LRRTM4: variants seen among roughly 807,000 people sequenced by gnomAD.
LRRTM4 encodes leucine-rich repeat transmembrane neuronal protein 4.
A neutral mutation model predicts 47.6 loss-of-function variants in LRRTM4; 25 were observed. The observed-to-expected ratio is 0.53, with a 90% confidence interval of 0.38 to 0.73. The LOEUF (loss-of-function observed/expected upper bound fraction) is 0.73. Ranked by LOEUF, LRRTM4 falls within the 30% of genes least tolerant of loss-of-function variation. The pLI is 0.00. For missense variants in LRRTM4, 638 were observed against 713.4 expected, an observed-to-expected ratio of 0.89 and a Z score of 1.20; for synonymous variants, 311 against 269.5, an observed-to-expected ratio of 1.15 and a Z score of -1.51.
intron 3 of LRRTM4, among the ~76,000 whole-genome samples, chr2:77,267,826 AG>A: frequency 6.6e-6 from 1 of 152,204 alleles, no homozygotes; most frequent in East Asian, 1.9e-4. Context: ...AAATGAGAAA[AG>A]GTCTTAGTAT....
In LRRTM4 at chr2:77,019,241, G is replaced by T. The variant is rs866369980; in HGVS notation, c.1552-270325C>A. 5.4e-4 allele frequency among the ~76,000 whole-genome samples: 62 copies of T among 114,934 alleles called. 1 individual carries two copies. Among genetic ancestry groups the T allele is most frequent in the Middle Eastern group, 7.5e-3 (1 of 134 alleles). 75.4% of individuals were successfully genotyped at this position (114,934 alleles called of 152,430 possible). ...GAACATACTATTGGATACTAAGCTT[G>T]TCACTGCTCTACAAAAAAAAAAAAA... On this transcript the variant is annotated intron_variant, in intron 3 of 3. Transcript: ENST00000409884.
At chr2:77,266,246 G>A (rs985714) in intron 3 of LRRTM4, among the ~76,000 whole-genome samples, 15,864 of 152,142 alleles carry the variant, frequency 0.1, 2,804 homozygotes, top group African/African-American at 0.36. Context: ...AAACATGACA[G>A]TAGAGAGACA....
At position 76,861,324 on chromosome 2, in the gene LRRTM4, G is replaced by GT. The variant is rs533831636; in HGVS notation, c.1552-112409dup. 4.0e-5 allele frequency among the ~76,000 whole-genome samples: 6 copies of GT among 151,826 alleles called. No individual in the cohort carries two copies. The East Asian group carries it at 9.7e-4, about 25-fold the overall frequency. ...AGGCTAAAAGACTGCATTATTTTTA[G>GT]TTTTTTTTAAACTGAGTCACTAAGA... On this transcript the variant is annotated intron_variant, in intron 3 of 3. Transcript: ENST00000409884.
intron 3 of LRRTM4, among the ~76,000 whole-genome samples, chr2:76,780,809 C>G (rs970447741): frequency 6.6e-6 from 1 of 152,036 alleles, no homozygotes; most frequent in Admixed American, 6.6e-5. Flanking sequence ...TGAGGAACTG[C>G]GTTCCTTTGG....
At chr2:77,012,543 G>T (rs1677913060) in intron 3 of LRRTM4, among the ~76,000 whole-genome samples, 1 of 152,206 alleles carries the variant, frequency 6.6e-6, no homozygotes, top group Non-Finnish European at 1.5e-5. Context: ...GCCTGGGCAG[G>T]ATTGATGAGT....
intron 3 of LRRTM4, among the ~76,000 whole-genome samples, chr2:76,835,697 T>A (rs1426233754): frequency 6.6e-6 from 1 of 152,060 alleles, no homozygotes; most frequent in East Asian, 1.9e-4. Flanking sequence ...ATTTGCACAT[T>A]TATTTAGGTA....
Position 77,181,023 on chromosome 2 carries a change from A to T in LRRTM4, c.1551+337295T>A, listed in dbSNP as rs1191948049. On this transcript the variant is annotated intron_variant, in intron 3 of 3. Transcript: ENST00000409884. ...AGATTTAGAAAAATAAATATACATTATAAATTGAAACTATGGTTTGAGTCC... is the reference window on the plus strand; with the variant it reads ...AGATTTAGAAAAATAAATATACATTTTAAATTGAAACTATGGTTTGAGTCC... Among the ~76,000 whole-genome samples the T allele has an allele frequency of 2.0e-5, 3 of 152,210 alleles. No individual in the cohort carries two copies. In the East Asian group the frequency reaches 5.8e-4, roughly 29 times the overall value.
chr2:77,047,632 G>A (rs529507471), intron 3 of LRRTM4, among the ~76,000 whole-genome samples: 1 of 152,066 alleles, frequency 6.6e-6, no homozygotes, highest in South Asian at 2.1e-4. Context: ...ATTTTATAAA[G>A]ACACCAGTCA....
At chr2:76,824,792 T>C (rs116647342) in intron 3 of LRRTM4, among the ~76,000 whole-genome samples, 2,367 of 151,632 alleles carry the variant, frequency 0.016, 48 homozygotes, top group African/African-American at 0.05. Context: ...AGGACTGTAA[T>C]TGGGAGTGAA....
At chr2:76,903,366 C>A (rs1673709343) in intron 3 of LRRTM4, among the ~76,000 whole-genome samples, 1 of 152,052 alleles carries the variant, frequency 6.6e-6, no homozygotes, top group Non-Finnish European at 1.5e-5. Flanking sequence ...GAAACCCCAT[C>A]TCTACTAAAA....
At chr2:77,025,689 T>A (rs938822006) in intron 3 of LRRTM4, among the ~76,000 whole-genome samples, 2 of 152,188 alleles carry the variant, frequency 1.3e-5, no homozygotes, top group South Asian at 4.1e-4. Context: ...AAAACAAAAA[T>A]GTAGAATATT....
intron 3 of LRRTM4, among the ~76,000 whole-genome samples, chr2:77,062,350 T>C (rs1679813788): frequency 6.6e-6 from 1 of 152,180 alleles, no homozygotes; most frequent in Non-Finnish European, 1.5e-5. Context: ...TGTTATCCTT[T>C]AAAAATGTTA....
intron 3 of LRRTM4, among the ~76,000 whole-genome samples, chr2:77,118,321 A>G (rs536962144): frequency 3.3e-5 from 5 of 151,998 alleles, no homozygotes; most frequent in African/African-American, 9.6e-5. Flanking sequence ...GAAAAAAAAG[A>G]CAATGCCAAA....
At chr2:77,501,082 C>G (rs960403979) in intron 3 of LRRTM4, among the ~76,000 whole-genome samples, 3 of 150,612 alleles carry the variant, frequency 2.0e-5, no homozygotes, top group African/African-American at 7.3e-5. Context: ...CAATAGAAAA[C>G]AAGATAGTGG....
chr2:77,246,712 T>A (rs1675455930), intron 3 of LRRTM4, among the ~76,000 whole-genome samples: 1 of 152,012 alleles, frequency 6.6e-6, no homozygotes. Context: ...TGATCAAATG[T>A]CATAATCAAT....
At chr2:77,043,478 CT>C (rs1206925142) in intron 3 of LRRTM4, among the ~76,000 whole-genome samples, 3 of 151,856 alleles carry the variant, frequency 2.0e-5, no homozygotes, top group East Asian at 3.9e-4. Flanking sequence ...TCCTGTAATG[CT>C]TACACAAACA....
At chr2:76,806,054 A>C (rs1675950618) in intron 3 of LRRTM4, among the ~76,000 whole-genome samples, 1 of 152,324 alleles carries the variant, frequency 6.6e-6, no homozygotes, top group South Asian at 2.1e-4. Context: ...ACAATCAACG[A>C]AACTAAGATG....
chr2:77,078,407 C>T (rs1024308350), intron 3 of LRRTM4, among the ~76,000 whole-genome samples: 7 of 149,270 alleles, frequency 4.7e-5, no homozygotes, highest in Non-Finnish European at 8.9e-5. Flanking sequence ...CACACACACA[C>T]ATGTTCTGGT....
intron 3 of LRRTM4, among the ~76,000 whole-genome samples, chr2:76,751,546 C>T (rs546681990): frequency 3.3e-5 from 5 of 152,030 alleles, no homozygotes; most frequent in African/African-American, 1.2e-4. Context: ...AGTGACATGG[C>T]CGAATTACTA....
Sources: allele counts gnomAD v4.1 joint callset (sites outside exome capture counted in the v4.1 genomes callset), GRCh38; gene constraint gnomAD v4.1.1; transcripts MANE v1.5; gene names NCBI Gene and HGNC (gene_info 2026-07-23, HGNC 2026-07-21).